The following EIF3E variants were observed in gnomAD, a reference collection of about 807,000 sequenced individuals.
EIF3E encodes the protein eukaryotic translation initiation factor 3 subunit E.
EIF3E carries 25 observed loss-of-function variants against 59.3 expected under a neutral mutation model. The observed-to-expected ratio is 0.42, with a 90% CI of 0.31 to 0.59. The LOEUF (loss-of-function observed/expected upper bound fraction) is 0.59, where lower values mean the gene tolerates loss of function less well. EIF3E is among the 20% of genes least tolerant of loss of function. EIF3E has a pLI of 0.15. For synonymous variants in EIF3E, 176 were observed against 170.2 expected (o/e 1.03, Z -0.26); for missense variants, 317 against 534.3 (o/e 0.59, Z 4.01).
At chr8:108,221,798 A>ACACATG (rs1815419473) in intron 7 of EIF3E, among the ~76,000 whole-genome samples, 2 of 138,952 alleles carry the variant, frequency 1.4e-5, no homozygotes, top group South Asian at 4.8e-4. Flanking sequence ...GCCAGACTAC[A>ACACATG]CACACACGCA....
At chr8:108,204,746 T>TATATATATATATATATAG (rs1354950271) in intron 10 of EIF3E, among the ~76,000 whole-genome samples, 13 of 113,680 alleles carry the variant, frequency 1.1e-4, no homozygotes, top group East Asian at 5.8e-4. Context: ...TATATATATA[T>TATATATATATATATATAG]AGAGAGAGAG....
chr8:108,220,817 A>C (rs1439928472), intron 7 of EIF3E, among the ~76,000 whole-genome samples: 2 of 152,248 alleles, frequency 1.3e-5, no homozygotes, highest in African/African-American at 4.8e-5. Context: ...AACATGTTTT[A>C]ACTGGATCAC....
chr8:108,241,398 A>G (rs1415742722), intron 2 of EIF3E, among the ~76,000 whole-genome samples: 2 of 152,130 alleles, frequency 1.3e-5, no homozygotes, highest in African/African-American at 4.8e-5. Context: ...CCTGGGGACC[A>G]TATTTGGAGA....
intron 2 of EIF3E, among the ~76,000 whole-genome samples, chr8:108,241,285 A>G (rs1341524772): frequency 6.6e-6 from 1 of 152,184 alleles, no homozygotes; most frequent in African/African-American, 2.4e-5. Flanking sequence ...ATTATTTCCC[A>G]AACTTAAGAG....
intron 5 of EIF3E, among the ~76,000 whole-genome samples, chr8:108,231,021 G>GT (rs1244718491): frequency 2.0e-5 from 3 of 152,116 alleles, no homozygotes; most frequent in Admixed American, 6.5e-5. Context: ...CATGGGTGGA[G>GT]TATGGCCACA....
chr8:108,242,026 G>A (rs1313168937), intron 1 of EIF3E, 113 bp from the exon 2 acceptor site: 4 of 1,221,648 alleles, frequency 3.3e-6, no homozygotes, highest in Admixed American at 2.8e-5. Context: ...TATAAAATAC[G>A]ATAAACCATT....
At chr8:108,204,796 G>C (rs1355888458) in intron 10 of EIF3E, among the ~76,000 whole-genome samples, 2 of 141,242 alleles carry the variant, frequency 1.4e-5, no homozygotes, top group South Asian at 4.4e-4. Flanking sequence ...GAGAGAGAGA[G>C]AGAGAGACTG....
chr8:108,230,568 A>G (rs150647443), intron 5 of EIF3E, among the ~76,000 whole-genome samples: 92 of 152,252 alleles, frequency 6.0e-4, no homozygotes, highest in African/African-American at 2.1e-3. Context: ...GTCTATACTG[A>G]GATTCTTCCT....
In EIF3E at chr8:108,221,795, T is replaced by TACACACACGCAC. The variant is rs138121846; in HGVS notation, c.723-4336_723-4335insGTGCGTGTGTGT. Among the ~76,000 whole-genome samples the TACACACACGCAC allele has an allele frequency of 8.0e-4, 117 of 147,040 alleles. 1 individual carries two copies. The highest frequency in any genetic ancestry group is 5.7e-3 in the Admixed American group (85 of 15,032). On this transcript the variant is annotated intron_variant, in intron 7 of 12. Transcript: ENST00000220849. Reference sequence around the variant, plus strand: ...CATTAGAGCTCAAAAGCTGCCAGACTACACACACACGCACACACACACACA... The same window carrying TACACACACGCAC: ...CATTAGAGCTCAAAAGCTGCCAGACTACACACACGCACACACACACACGCACACACACACACA...
intron 5 of EIF3E, 86 bp downstream of exon 5, chr8:108,234,912 A>G: frequency 1.3e-6 from 1 of 777,558 alleles, no homozygotes; most frequent in Non-Finnish European, 1.9e-6. Flanking sequence ...ACAGACCCAA[A>G]TCTATCTATA....
chr8:108,230,782 G>A (rs920398084), intron 5 of EIF3E, among the ~76,000 whole-genome samples: 4 of 152,076 alleles, frequency 2.6e-5, no homozygotes, highest in Non-Finnish European at 5.9e-5. Flanking sequence ...ATCATCAATA[G>A]ATGAATATAT....
chr8:108,223,521 T>C (rs1190039139), intron 7 of EIF3E, among the ~76,000 whole-genome samples: 1 of 152,220 alleles, frequency 6.6e-6, no homozygotes, highest in Non-Finnish European at 1.5e-5. Flanking sequence ...ATAGTAAAAC[T>C]TGAAATTTCT....
At chr8:108,239,694 G>A (rs1312926366) in intron 3 of EIF3E, among the ~76,000 whole-genome samples, 7 of 152,102 alleles carry the variant, frequency 4.6e-5, no homozygotes. Context: ...CAGGAAGGGG[G>A]AAACAGGAGA....
chr8:108,237,231 T>C (rs1055108579), intron 3 of EIF3E, among the ~76,000 whole-genome samples: 2 of 152,134 alleles, frequency 1.3e-5, no homozygotes, highest in Non-Finnish European at 1.5e-5. Context: ...ATGTGTATAG[T>C]TGCCCACCTT....
In EIF3E at chr8:108,202,972, G is replaced by T. The variant is rs770345209; in HGVS notation, c.1299+11C>A. 2.5e-6 allele frequency: 4 copies of T among 1,608,870 alleles called. No homozygotes were observed. The Admixed American group carries it at 6.7e-5, about 27-fold the overall frequency. On this transcript the variant is annotated intron_variant, in intron 12 of 12. Coordinates refer to ENST00000220849, the MANE Select transcript of EIF3E (RefSeq NM_001568.3). ...AAACCCCAGACAGAATAGAAGATGTGTGGTTCTTACCTCTGACCTGCTATT... is the reference window on the plus strand; with the variant it reads ...AAACCCCAGACAGAATAGAAGATGTTTGGTTCTTACCTCTGACCTGCTATT...
chr8:108,247,873 C>T (rs1815977120), intron 1 of EIF3E, among the ~76,000 whole-genome samples: 1 of 152,190 alleles, frequency 6.6e-6, no homozygotes, highest in Admixed American at 6.5e-5. Flanking sequence ...ACTTTTAGGA[C>T]TGACATATGC....
intron 6 of EIF3E, among the ~76,000 whole-genome samples, chr8:108,228,655 A>G (rs1815565469): frequency 6.6e-6 from 1 of 152,178 alleles, no homozygotes; most frequent in Non-Finnish European, 1.5e-5. Flanking sequence ...AGAAGTTATA[A>G]ATTATAATCA....
At chr8:108,207,742 CACA>C (rs1288811173) in intron 10 of EIF3E, among the ~76,000 whole-genome samples, 1 of 152,174 alleles carries the variant, frequency 6.6e-6, no homozygotes, top group Non-Finnish European at 1.5e-5. Context: ...ACACACAAAA[CACA>C]ACATCGAATA....
intron 3 of EIF3E, among the ~76,000 whole-genome samples, chr8:108,238,134 ATTATTTCCGC>A: frequency 6.6e-6 from 1 of 152,340 alleles, no homozygotes; most frequent in Admixed American, 6.5e-5. Context: ...TAACATCTGG[ATTATTTCCGC>A]TGTCCCTTTG....
Sources: gnomAD v4.1 joint callset for allele counts (sites outside exome capture counted in the v4.1 genomes callset) on GRCh38, gnomAD v4.1.1 for gene constraint, MANE v1.5 for transcripts, NCBI Gene and HGNC (gene_info 2026-07-23, HGNC 2026-07-21) for gene names.